Variants in RARRES1 observed in about 807,000 individuals in gnomAD.
RARRES1 encodes retinoic acid receptor responder 1, also known as retinoic acid receptor responder protein 1.
Under a neutral mutation model 30.6 loss-of-function variants are expected in RARRES1, and 34 were observed. The observed-to-expected ratio is 1.11, with a 90% CI of 0.84 to 1.48. RARRES1 has a LOEUF of 1.48. RARRES1 is among the 40% of genes most tolerant of loss of function. RARRES1 has a pLI of 0.00. For missense variants in RARRES1, 373 were observed against 386.5 expected, an observed-to-expected ratio of 0.97 and a Z score of 0.29; for synonymous variants, 153 against 155.5, an observed-to-expected ratio of 0.98 and a Z score of 0.12.
At chr3:158,711,129 T>C (rs1259488649) in intron 2 of RARRES1, among the ~76,000 whole-genome samples, 196 bp from the exon 3 acceptor site, 1 of 152,184 alleles carries the variant, frequency 6.6e-6, no homozygotes, top group African/African-American at 2.4e-5. Flanking sequence ...TTTAAACTCT[T>C]GTCTTCTGAT....
intron 3 of RARRES1, among the ~76,000 whole-genome samples, chr3:158,708,881 T>A (rs1420731817): frequency 6.6e-6 from 1 of 152,096 alleles, no homozygotes; most frequent in Non-Finnish European, 1.5e-5. Flanking sequence ...ATGGTCTCGA[T>A]CTCCTGACCT....
intron 3 of RARRES1, among the ~76,000 whole-genome samples, chr3:158,705,144 C>T (rs1726875611): frequency 6.6e-6 from 1 of 152,184 alleles, no homozygotes; most frequent in Admixed American, 6.5e-5. Context: ...TATTATAAAT[C>T]AATGGCCATT....
In RARRES1 at chr3:158,732,271, G is replaced by C. The variant is rs1192705309; in HGVS notation, c.145C>G (p.Pro49Ala). The change falls in exon 1 of 6, where the codon CCT (proline) becomes GCT (alanine). Residue 49 changes from proline to alanine, a missense_variant. By Grantham distance (27) the Pro-to-Ala change is conservative. Coordinates refer to ENST00000237696, the MANE Select transcript of RARRES1 (RefSeq NM_206963.2). ...CTGCGCGGGACCCCAGCATCCTGAG[G>C]CTGCCCAGGGTCGTCGGGGTCCCCG... Reference protein sequence around the residue: ...GSGDPDDPGQPQDAGVPRRLL... With the variant: ...GSGDPDDPGQAQDAGVPRRLL... The C allele has an allele frequency of 7.3e-7, 1 of 1,362,368 alleles. No homozygotes were observed. Among genetic ancestry groups the C allele is most frequent in the Non-Finnish European group, 9.4e-7 (1 of 1,067,954 alleles). 84.4% of individuals were successfully genotyped at this position (1,362,368 alleles called of 1,614,324 possible).
At chr3:158,720,771 G>T (rs1474461084) in intron 1 of RARRES1, among the ~76,000 whole-genome samples, 7 of 152,038 alleles carry the variant, frequency 4.6e-5, no homozygotes, top group Non-Finnish European at 8.8e-5. Context: ...TTAAATGGTG[G>T]TCTTCCTCTG....
At chr3:158,706,516 C>G (rs528075284) in intron 3 of RARRES1, among the ~76,000 whole-genome samples, 1 of 152,126 alleles carries the variant, frequency 6.6e-6, no homozygotes, top group Non-Finnish European at 1.5e-5. Context: ...TTGTTTCCAG[C>G]GCTGCCAGAG....
At chr3:158,722,405 T>C (rs752406930) in intron 1 of RARRES1, among the ~76,000 whole-genome samples, 6 of 152,180 alleles carry the variant, frequency 3.9e-5, no homozygotes, top group Non-Finnish European at 8.8e-5. Flanking sequence ...TTTTTTGAAA[T>C]ATTGCATAAA....
At chr3:158,703,860 T>C (rs6763232) in intron 4 of RARRES1, among the ~76,000 whole-genome samples, 61,854 of 152,010 alleles carry the variant, frequency 0.41, 13,534 homozygotes, top group African/African-American at 0.57. Flanking sequence ...TTAAATACTA[T>C]ATGGTGACAA....
At chr3:158,717,425 G>A (rs975222137) in intron 1 of RARRES1, among the ~76,000 whole-genome samples, 3 of 152,248 alleles carry the variant, frequency 2.0e-5, no homozygotes, top group Non-Finnish European at 4.4e-5. Context: ...GATCAGGGAA[G>A]CGACATTTGA....
intron 3 of RARRES1, among the ~76,000 whole-genome samples, chr3:158,706,998 A>C (rs1726945769): frequency 6.6e-6 from 1 of 152,012 alleles, no homozygotes; most frequent in African/African-American, 2.4e-5. Context: ...GTGAAACCCC[A>C]TCTCTATTAA....
chr3:158,726,917 G>T (rs1431690285), intron 1 of RARRES1, among the ~76,000 whole-genome samples: 3 of 152,174 alleles, frequency 2.0e-5, no homozygotes, highest in Non-Finnish European at 2.9e-5. Context: ...GAATGGTTTG[G>T]CACCCTCCCC....
intron 4 of RARRES1, 30 bp from the exon 5 acceptor site, chr3:158,698,000 A>G (rs367883207): frequency 1.4e-6 from 2 of 1,411,804 alleles, no homozygotes; most frequent in Non-Finnish European, 2.0e-6. Flanking sequence ...TTAGTGTAAT[A>G]AATATGGTGG....
chr3:158,732,103 G>C, intron 1 of RARRES1, 37 bp downstream of exon 1: 1 of 1,310,936 alleles, frequency 7.6e-7, no homozygotes, highest in Non-Finnish European at 9.7e-7. Flanking sequence ...TGCGCGGACA[G>C]GCAGGCGCGT....
chr3:158,721,246 G>C lies in RARRES1; in HGVS notation c.277-7387C>G, dbSNP rs79068962. On this transcript the variant is annotated intron_variant, in intron 1 of 5. Coordinates refer to ENST00000237696, the MANE Select transcript of RARRES1 (RefSeq NM_206963.2). ...CTTGGGGTTGAGGTTACAATGGTGG[G>C]TGGGGGATCTGATTAGAGATGGTCT... Among the ~76,000 whole-genome samples, 69 of 152,260 alleles carry C rather than the reference G, an allele frequency of 4.5e-4. No individual in the cohort carries two copies. In the East Asian group the frequency reaches 0.013, roughly 29 times the overall value.
intron 1 of RARRES1, among the ~76,000 whole-genome samples, chr3:158,722,086 C>CAAAAAAAAAA (rs571829700): frequency 3.2e-4 from 22 of 68,732 alleles, no homozygotes; most frequent in African/African-American, 8.7e-4. Flanking sequence ...GAATGAAACT[C>CAAAAAAAAAA]AAAAAAAAAA....
In RARRES1 at chr3:158,704,938, CAAAA is replaced by C; in HGVS notation, c.536-15_536-12del. 1 of 1,592,710 alleles carries C rather than the reference CAAAA, an allele frequency of 6.3e-7. No homozygotes were observed. Among genetic ancestry groups the C allele is most frequent in the Non-Finnish European group, 8.5e-7 (1 of 1,174,172 alleles). On this transcript the variant is annotated splice_polypyrimidine_tract_variant and intron_variant, in intron 3 of 5. Transcript: ENST00000237696. ...TATGTCCATGATTATCTGAGAGAGA[CAAAA>C]AAAGCACATTTGTATTAATGCATTT...
intron 2 of RARRES1, among the ~76,000 whole-genome samples, chr3:158,711,928 G>A (rs541501490): frequency 6.6e-6 from 1 of 152,180 alleles, no homozygotes; most frequent in South Asian, 2.1e-4. Flanking sequence ...GGATATTCTG[G>A]GATCTCCCTC....
In RARRES1 at chr3:158,701,971, G is replaced by C. The variant is rs1726741027; in HGVS notation, c.672+2820C>G. On this transcript the variant is annotated intron_variant, in intron 4 of 5. Transcript: ENST00000237696. The stretch of plus-strand genomic sequence containing the variant: ...TTATCTAACACCCAGACATCGCAGG[G>C]GGAAAAAAAAATCTAAAACTCTTAG... Among the ~76,000 whole-genome samples the C allele has an allele frequency of 2.6e-5, 4 of 151,734 alleles. No homozygotes were observed. In the South Asian group the frequency reaches 8.3e-4, roughly 32 times the overall value.
intron 4 of RARRES1, among the ~76,000 whole-genome samples, chr3:158,700,442 C>CA (rs112398212): frequency 0.17 from 25,998 of 152,002 alleles, 2,248 homozygotes; most frequent in South Asian, 0.23. Context: ...TTTTTAAATA[C>CA]AAAATGTGAG....
intron 1 of RARRES1, among the ~76,000 whole-genome samples, chr3:158,726,977 G>A (rs140453632): frequency 6.6e-6 from 1 of 152,270 alleles, no homozygotes; most frequent in African/African-American, 2.4e-5. Context: ...TGAGGGTGTG[G>A]CAGCTCCCCA....
Sources: gnomAD v4.1 joint callset for allele counts (sites outside exome capture counted in the v4.1 genomes callset) on GRCh38, gnomAD v4.1.1 for gene constraint, MANE v1.5 for transcripts, NCBI Gene and HGNC (gene_info 2026-07-23, HGNC 2026-07-21) for gene names.